TAOK2: variants seen among roughly 807,000 people sequenced by gnomAD.
TAOK2 encodes serine/threonine-protein kinase TAO2.
A neutral mutation model predicts 122.5 loss-of-function variants in TAOK2; 42 were observed. That is an observed-to-expected ratio of 0.34 (90% CI 0.27 to 0.44). The LOEUF (loss-of-function observed/expected upper bound fraction) is 0.44, where lower values mean the gene tolerates loss of function less well. TAOK2 is among the 20% of genes least tolerant of loss of function. The probability of loss-of-function intolerance (pLI) is 1.00; values close to 1 mark genes in which losing one functional copy is unlikely to be tolerated. For missense variants in TAOK2, 1,264 were observed against 1,644.9 expected (o/e 0.77, Z 4.01); for synonymous variants, 704 against 677.6 (o/e 1.04, Z -0.61).
At chr16:29,988,866 G>T, downstream of TAOK2, 6 of 985,376 alleles carry the variant, frequency 6.1e-6, no homozygotes, top group Non-Finnish European at 7.2e-6. Flanking sequence ...TGTGGGCCTG[G>T]AGTGGGAGCT....
rs1228607507 is a variant in TAOK2 at position 29,974,440 on chromosome 16, A to AGG, written c.-240_-239dup. The AGG allele has an allele frequency of 6.6e-6, 1 of 152,548 alleles. No homozygotes were observed. Among genetic ancestry groups the AGG allele is most frequent in the Non-Finnish European group, 1.5e-5 (1 of 68,026 alleles). The allele number at this position is 152,548 out of a possible 1,614,324, so 9.4% of individuals were successfully genotyped here. ...AATTCGGCAGCTGTCGCCCTCGACG[A>AGG]GGGGGAGGACTGGACCGCGAGGTCA... is the stretch of plus-strand genomic sequence containing the variant. On this transcript the variant is annotated 5_prime_UTR_variant, in exon 1 of 16. Coordinates refer to ENST00000308893, the MANE Select transcript of TAOK2 (RefSeq NM_016151.4).
chr16:29,989,996 T>C (rs572956658), downstream of TAOK2: 10 of 606,240 alleles, frequency 1.6e-5, no homozygotes, highest in Non-Finnish European at 2.6e-5. Flanking sequence ...TTCTTTCTCT[T>C]AGTATTTTCT....
Position 29,983,593 on chromosome 16 carries a change from A to G in TAOK2, c.1351A>G (p.Thr451Ala), listed in dbSNP as rs748606036. ...TGCAGCCCCAGCTCCCACTTCCACC[A>G]CCTCTTCCGCCCGCCGCCGGGCCTA... ...PPAAPAPTST[T>A]SSARRRAYCR... The change falls in exon 13 of 16, where the codon ACC becomes GCC. Residue 451 changes from threonine (T) to alanine (A), a missense_variant. Coordinates refer to ENST00000308893, the MANE Select transcript of TAOK2 (RefSeq NM_016151.4). 3 of 1,611,828 alleles carry G rather than the reference A, an allele frequency of 1.9e-6. No individual in the cohort carries two copies. The highest frequency in any genetic ancestry group is 2.5e-6 in the Non-Finnish European group (3 of 1,179,460).
In TAOK2 at chr16:29,987,665, G is replaced by A. The variant is rs578218514; in HGVS notation, c.3393G>A (p.Gly1131=). 10 of 1,613,828 alleles carry A rather than the reference G, an allele frequency of 6.2e-6. No individual in the cohort carries two copies. The East Asian group carries it at 1.3e-4, about 22-fold the overall frequency. The change falls in exon 16 of 16, where the codon GGG becomes GGA. Residue 1131 remains glycine, a synonymous_variant. Transcript: ENST00000308893. ...DGFRSRLPVP[G]PRRRNPRTTQ... Reference sequence around the variant, plus strand: ...TCCGCAGCCGCCTGCCCGTCCCTGGGCCCCGGCGGCGTAATCCCCGCACCA... The same window carrying A: ...TCCGCAGCCGCCTGCCCGTCCCTGGACCCCGGCGGCGTAATCCCCGCACCA...
At chr16:29,990,449 G>A, downstream of TAOK2, 1 of 208,552 alleles carries the variant, frequency 4.8e-6, no homozygotes, top group Non-Finnish European at 9.5e-6. Context: ...TCCCCTGTCA[G>A]TACACCTGTC....
At position 29,979,131 on chromosome 16, in the gene TAOK2, C is replaced by G; in HGVS notation, c.449+61C>G. 1 of 1,612,812 alleles carries G rather than the reference C, an allele frequency of 6.2e-7. No homozygotes were observed. Among genetic ancestry groups the G allele is most frequent in the Non-Finnish European group, 8.5e-7 (1 of 1,178,848 alleles). On this transcript the variant is annotated intron_variant, in intron 6 of 15. Coordinates refer to ENST00000308893, the MANE Select transcript of TAOK2 (RefSeq NM_016151.4). This position sits in a 1 kb window ranked among gnomAD's most constrained non-coding sequence, Gnocchi z 4.1. ...GCTATCTGCACCACCTGTCACTTAG[C>G]TGGGCTGCCCCTGCCTAGCTTTCTT...
Position 29,987,567 on chromosome 16 carries a change from G to T in TAOK2, c.3295G>T (p.Ala1099Ser), listed in dbSNP as rs1203054773. Residue 1099 changes from alanine (A) to serine (S), a missense_variant, in exon 16 of 16, where the codon GCC (alanine) becomes TCC (serine). Physicochemically the swap from Ala to Ser is moderately conservative, Grantham distance 99. This residue lies in a region of TAOK2 where 824 missense variants were observed against 908.7 expected (regional missense o/e 0.91). Coordinates refer to ENST00000308893, the MANE Select transcript of TAOK2 (RefSeq NM_016151.4). The stretch of plus-strand genomic sequence containing the variant: ...GCGCCTGTCACCCATGGCCTTCCGG[G>T]CCCTGCAGGGCTGTGGGGCTGTGGG... The part of the protein sequence containing the change: ...LLRLSPMAFR[A>S]LQGCGAVGDR... 6.2e-7 allele frequency: 1 copy of T among 1,612,598 alleles called. No individual in the cohort carries two copies. The highest frequency in any genetic ancestry group is 8.5e-7 in the Non-Finnish European group (1 of 1,179,132).
rs1463839483 is a variant in TAOK2 at position 29,986,248 on chromosome 16, C to T, written c.1993-17C>T. 6.6e-7 allele frequency: 1 copy of T among 1,508,460 alleles called. No homozygotes were observed. The highest frequency in any genetic ancestry group is 1.8e-4 in the Middle Eastern group (1 of 5,548). The allele number at this position is 1,508,460 out of a possible 1,614,324, so 93.4% of individuals were successfully genotyped here. A position where few individuals can be genotyped will look rare whatever the true frequency, so the allele number is the denominator to read the frequency against. ...GATACTGACCAGGCCCCGGGCCCTG[C>T]ATTTCTTCTGCCTCAGGACCTGAAC... On this transcript the variant is annotated splice_polypyrimidine_tract_variant and intron_variant, in intron 15 of 15. Coordinates refer to ENST00000308893, the MANE Select transcript of TAOK2 (RefSeq NM_016151.4). The surrounding 1 kb of genome is among the most constrained non-coding windows in gnomAD (Gnocchi z 4.2).
chr16:29,978,942 C>A (rs752222457), intron 5 of TAOK2, 32 bp from the exon 6 acceptor site: 1 of 1,613,814 alleles, frequency 6.2e-7, no homozygotes, highest in South Asian at 1.1e-5. Flanking sequence ...CCCTTGCGCT[C>A]CCTCGGGTTG....
Position 29,988,227 on chromosome 16 carries a change from T to C in TAOK2, c.*247T>C, listed in dbSNP as rs1164875583. 1 of 1,447,364 alleles carries C rather than the reference T, an allele frequency of 6.9e-7. No individual in the cohort carries two copies. The highest frequency in any genetic ancestry group is 9.0e-7 in the Non-Finnish European group (1 of 1,107,096). The allele number at this position is 1,447,364 out of a possible 1,614,324, so 89.7% of individuals were successfully genotyped here. On this transcript the variant is annotated 3_prime_UTR_variant, in exon 16 of 16. Coordinates refer to ENST00000308893, the MANE Select transcript of TAOK2 (RefSeq NM_016151.4). ...GCTGTTCGCCCGCTGTGTGTGCTCA[T>C]CCTCACCCTCATTGACTCAGGCCTG... is the stretch of plus-strand genomic sequence containing the variant.
intron 13 of TAOK2, among the ~76,000 whole-genome samples, chr16:29,984,625 TAG>T (rs1474420427): frequency 6.6e-6 from 1 of 152,126 alleles, no homozygotes; most frequent in African/African-American, 2.4e-5. Flanking sequence ...GAGCCACTCA[TAG>T]AGTCAATTGA....
downstream of TAOK2, chr16:29,990,454 C>T (rs1387590811): frequency 4.7e-6 from 1 of 210,998 alleles, no homozygotes; most frequent in East Asian, 1.0e-4. Context: ...TGTCAGTACA[C>T]CTGTCTCATT....
rs1405504654 is a variant in TAOK2, at chr16:29,982,652, T to C, written c.832-82T>C. On this transcript the variant is annotated intron_variant, in intron 10 of 15. Coordinates refer to ENST00000308893, the MANE Select transcript of TAOK2 (RefSeq NM_016151.4). ...TGGGCGTGGGCCCCAGAAGAGTGCCTCAGGCCTGAGGGAATGCCAAGGGCT... is the reference window on the plus strand; with the variant it reads ...TGGGCGTGGGCCCCAGAAGAGTGCCCCAGGCCTGAGGGAATGCCAAGGGCT... 2.6e-6 allele frequency: 4 copies of C among 1,543,004 alleles called. No homozygotes were observed. In the African/African-American group the frequency reaches 5.5e-5, roughly 21 times the overall value.
At position 29,986,137 on chromosome 16, in the gene TAOK2, C is replaced by T. The variant is rs2069782732; in HGVS notation, c.1993-128C>T. 1 of 1,413,932 alleles carries T rather than the reference C, an allele frequency of 7.1e-7. No individual in the cohort carries two copies. Among genetic ancestry groups the T allele is most frequent in the Non-Finnish European group, 9.6e-7 (1 of 1,046,952 alleles). 87.6% of individuals were successfully genotyped at this position (1,413,932 alleles called of 1,614,324 possible). ...CCAAGGAGCCCTGGCCCCTCACTTC[C>T]TTGATACTGACCAGGCCCTGGGCCC... On this transcript the variant is annotated intron_variant, in intron 15 of 15. Coordinates refer to ENST00000308893, the MANE Select transcript of TAOK2 (RefSeq NM_016151.4). This position sits in a 1 kb window ranked among gnomAD's most constrained non-coding sequence, Gnocchi z 4.2.
intron 10 of TAOK2, 108 bp downstream of exon 10, chr16:29,982,048 T>C (rs1429110889): frequency 2.7e-5 from 25 of 914,794 alleles, no homozygotes; most frequent in Non-Finnish European, 4.1e-5. Context: ...AAGAGCTTCG[T>C]TGATGAATTC....
In TAOK2 at chr16:29,985,568, A is replaced by G. The variant is rs778384842; in HGVS notation, c.1778A>G (p.Gln593Arg). The change falls in exon 14 of 16, where the codon CAG (glutamine) becomes CGG (arginine). Residue 593 changes from glutamine to arginine, a missense_variant. Gln to Arg is a conservative substitution (Grantham distance 43). Coordinates refer to ENST00000308893, the MANE Select transcript of TAOK2 (RefSeq NM_016151.4). This position sits in a 1 kb window ranked among gnomAD's most constrained non-coding sequence, Gnocchi z 6.9. ...CGGACCTACAAACTTCGCAAGGAACAGCTGAAGGAGGTGAGCTAGGGCTGC... is the reference window on the plus strand; with the variant it reads ...CGGACCTACAAACTTCGCAAGGAACGGCTGAAGGAGGTGAGCTAGGGCTGC... ...QKRTYKLRKE[Q>R]LKEELQENPS... 4.4e-6 allele frequency: 7 copies of G among 1,602,004 alleles called. No individual in the cohort carries two copies. The Admixed American group carries it at 1.0e-4, about 23-fold the overall frequency.
At chr16:29,983,738 C>T (rs1285190097) in intron 13 of TAOK2, 74 bp downstream of exon 13, 3 of 1,540,120 alleles carry the variant, frequency 1.9e-6, no homozygotes, top group East Asian at 4.5e-5. Context: ...AAATGATTTC[C>T]TCCCTGTGGC....
In TAOK2 at chr16:29,986,001, C is replaced by T; in HGVS notation, c.1992+140C>T. 1 of 1,154,786 alleles carries T rather than the reference C, an allele frequency of 8.7e-7. No homozygotes were observed. Among genetic ancestry groups the T allele is most frequent in the Non-Finnish European group, 1.2e-6 (1 of 822,066 alleles). The allele number at this position is 1,154,786 out of a possible 1,614,324, so 71.5% of individuals were successfully genotyped here. A position where few individuals can be genotyped will look rare whatever the true frequency, so the allele number is the denominator to read the frequency against. Reference sequence around the variant, plus strand: ...CAGCTTTGCTTCAGTGCCCCTTTTACTTCTCATCCCCAACAGACCCTGCCA... The same window carrying T: ...CAGCTTTGCTTCAGTGCCCCTTTTATTTCTCATCCCCAACAGACCCTGCCA... On this transcript the variant is annotated intron_variant, in intron 15 of 15. Coordinates refer to ENST00000308893, the MANE Select transcript of TAOK2 (RefSeq NM_016151.4). The surrounding 1 kb of genome is among the most constrained non-coding windows in gnomAD (Gnocchi z 4.2).
rs1175133665 is a variant in TAOK2, at chr16:29,987,388, TG to T, written c.3119del (p.Gly1040ValfsTer12). On this transcript the variant is annotated frameshift_variant, in exon 16 of 16. Transcript: ENST00000308893. LOFTEE classifies it high-confidence loss of function. ...VLGLSWRRGL[M>X]GVPLGLGAAW... ...GGCCTGAGCTGGCGCCGAGGCCTCA[TG>T]GGTGTTCCCCTGGGCCTTGGAGCTG... is the stretch of plus-strand genomic sequence containing the variant. 1 of 1,605,544 alleles carries T rather than the reference TG, an allele frequency of 6.2e-7. No individual in the cohort carries two copies. The highest frequency in any genetic ancestry group is 1.7e-5 in the Admixed American group (1 of 59,192).
Sources: allele counts gnomAD v4.1 joint callset (sites outside exome capture counted in the v4.1 genomes callset), GRCh38; gene constraint gnomAD v4.1.1; regional missense constraint gnomAD v4.1.1; non-coding constraint Gnocchi (gnomAD v3.1); transcripts MANE v1.5; gene names NCBI Gene and HGNC (gene_info 2026-07-23, HGNC 2026-07-21).